Variants in CELF1 observed in about 807,000 individuals in gnomAD.
CELF1 encodes CUGBP Elav-like family member 1.
A neutral mutation model predicts 61.8 loss-of-function variants in CELF1; 10 were observed. That is an observed-to-expected ratio of 0.16 (90% CI 0.10 to 0.27). The LOEUF (loss-of-function observed/expected upper bound fraction) is 0.27, where lower values mean the gene tolerates loss of function less well. Among genes scored for constraint, CELF1 ranks in the 10% least tolerant of loss-of-function variants. The pLI, the probability that CELF1 is intolerant of heterozygous loss-of-function variation, is 1.00. For missense variants in CELF1, 380 were observed against 639.1 expected (o/e 0.59, Z 4.37); for synonymous variants, 236 against 225.1 (o/e 1.05, Z -0.43).
chr11:47,484,444 C>T lies in CELF1; in HGVS notation c.471G>A (p.Ser157=), dbSNP rs775903653. The T allele has an allele frequency of 4.7e-5, 76 of 1,613,804 alleles. No individual in the cohort carries two copies. The highest frequency in any genetic ancestry group is 1.8e-4 in the East Asian group (8 of 44,890). Residue 157 remains serine (S), a synonymous_variant, in exon 7 of 15, where the codon TCG becomes TCA. Coordinates refer to ENST00000687097, the MANE Select transcript of CELF1 (RefSeq NM_001376376.1). ...TCCGGCATTCTTCAATCTGTCCAAACGAAGAGAACATGACTCGGATGTCAT... is the reference window on the plus strand; with the variant it reads ...TCCGGCATTCTTCAATCTGTCCAAATGAAGAGAACATGACTCGGATGTCAT... The part of the protein sequence containing the change: ...TENDIRVMFS[S]FGQIEECRIL...
intron 1 of CELF1, among the ~76,000 whole-genome samples, chr11:47,546,263 CCGGGGGCGGGGGCGGGGGA>C (rs2096946001): frequency 4.0e-5 from 4 of 100,922 alleles, no homozygotes; most frequent in African/African-American, 1.6e-4. Context: ...TGGGCGGGGG[CCGGGGGCGGGGGCGGGGGA>C]GGGAATGGAG....
At chr11:47,545,414 G>C (rs1349831584) in intron 1 of CELF1, among the ~76,000 whole-genome samples, 1 of 152,204 alleles carries the variant, frequency 6.6e-6, no homozygotes, top group Non-Finnish European at 1.5e-5. Context: ...CTGGGCGACA[G>C]AGCGGGACTC....
chr11:47,535,911 T>A, intron 1 of CELF1, among the ~76,000 whole-genome samples: 1 of 151,394 alleles, frequency 6.6e-6, no homozygotes, highest in East Asian at 2.0e-4. Flanking sequence ...TACAGGCGTG[T>A]GCCACCGTGC....
At chr11:47,544,398 G>A (rs771912066) in intron 1 of CELF1, among the ~76,000 whole-genome samples, 1 of 152,190 alleles carries the variant, frequency 6.6e-6, no homozygotes, top group African/African-American at 2.4e-5. Flanking sequence ...ACTATTCTGA[G>A]TTGGTATCTC....
chr11:47,494,161 C>A (rs2092564897), intron 3 of CELF1, among the ~76,000 whole-genome samples: 1 of 152,222 alleles, frequency 6.6e-6, no homozygotes. Context: ...TGGGGCAGTA[C>A]TGCCAGCCCT....
intron 2 of CELF1, among the ~76,000 whole-genome samples, chr11:47,564,067 T>C (rs1017317826): frequency 6.7e-6 from 1 of 148,818 alleles, no homozygotes; most frequent in Non-Finnish European, 1.5e-5. Context: ...GGCTCATGCC[T>C]GTAATCCCAA....
At chr11:47,479,839 C>G (rs1373817130) in intron 9 of CELF1, among the ~76,000 whole-genome samples, 2 of 152,164 alleles carry the variant, frequency 1.3e-5, no homozygotes, top group Non-Finnish European at 2.9e-5. Flanking sequence ...CCTGGTTTCT[C>G]TGTCGCCGCA....
rs1314714050 is a variant in CELF1 at position 47,467,956 on chromosome 11, CAGAG to C, written c.*4270_*4273del. ...CAGTTTTTGCACAAACTATAGAAAA[CAGAG>C]AGGTGAAGGTGATATATACGAAGGT... On this transcript the variant is annotated 3_prime_UTR_variant, in exon 15 of 15. Coordinates refer to ENST00000687097, the MANE Select transcript of CELF1 (RefSeq NM_001376376.1). The C allele has an allele frequency of 2.6e-5, 4 of 152,016 alleles. No homozygotes were observed. The highest frequency in any genetic ancestry group is 5.9e-5 in the Non-Finnish European group (4 of 67,994). 9.4% of individuals were successfully genotyped at this position (152,016 alleles called of 1,614,324 possible).
In CELF1 at chr11:47,477,308, A is replaced by G; in HGVS notation, c.962T>C (p.Leu321Pro). ...LTTSSSPLSVLTSSAGSSPSS... is the reference protein window; with the variant it reads ...LTTSSSPLSVPTSSAGSSPSS... ...ATCCTCATGCTTACCTGAACTAGTG[A>G]GCACGCTGAGGGGACTGCTGGATGT... Residue 321 changes from leucine to proline, a missense_variant, in exon 11 of 15, where the codon CTC becomes CCC. By Grantham distance (98) the Leu-to-Pro change is moderately conservative (BLOSUM62 -3). Transcript: ENST00000687097. The G allele has an allele frequency of 6.2e-7, 1 of 1,614,058 alleles. No individual in the cohort carries two copies. The highest frequency in any genetic ancestry group is 8.5e-7 in the Non-Finnish European group (1 of 1,179,958).
chr11:47,472,970 C>A, intron 14 of CELF1, 118 bp downstream of exon 14: 1 of 1,156,240 alleles, frequency 8.6e-7, no homozygotes, highest in Non-Finnish European at 1.2e-6. Context: ...AATGACCTGC[C>A]CATGGCCAAG....
At chr11:47,497,895 T>C (rs1016330060) in intron 3 of CELF1, among the ~76,000 whole-genome samples, 6 of 152,196 alleles carry the variant, frequency 3.9e-5, no homozygotes, top group Non-Finnish European at 7.3e-5. Flanking sequence ...CAATGTTGGG[T>C]TGAACACCAG....
chr11:47,525,940 CAA>C (rs11292279), intron 1 of CELF1, among the ~76,000 whole-genome samples: 2,567 of 146,062 alleles, frequency 0.018, 52 homozygotes, highest in African/African-American at 0.05. Context: ...AAAAAACAAA[CAA>C]AAAAAAAAAA....
intron 13 of CELF1, 125 bp from the exon 14 acceptor site, chr11:47,473,356 G>A: frequency 2.3e-6 from 2 of 854,870 alleles, no homozygotes; most frequent in South Asian, 1.8e-5. Context: ...ATTCATCTGG[G>A]GAACTAAACA....
At chr11:47,500,966 A>T in intron 1 of CELF1, 34 bp from the exon 2 acceptor site, 2 of 398,480 alleles carry the variant, frequency 5.0e-6, no homozygotes, top group Non-Finnish European at 8.8e-6. Context: ...ACTACTAAAC[A>T]CACAGAGTTA....
At chr11:47,561,082 G>C (rs945411039) in intron 2 of CELF1, among the ~76,000 whole-genome samples, 2 of 146,462 alleles carry the variant, frequency 1.4e-5, no homozygotes, top group African/African-American at 5.1e-5. Flanking sequence ...AGCTTGTATT[G>C]AGTGGAGATC....
chr11:47,509,633 G>T (rs1420321372), intron 1 of CELF1, among the ~76,000 whole-genome samples: 1 of 152,170 alleles, frequency 6.6e-6, no homozygotes, highest in Non-Finnish European at 1.5e-5. Flanking sequence ...GTTCATGCCT[G>T]TAATCCCAGC....
chr11:47,493,036 T>C (rs2092184088), intron 3 of CELF1, among the ~76,000 whole-genome samples: 1 of 152,176 alleles, frequency 6.6e-6, no homozygotes, highest in Admixed American at 6.5e-5. Context: ...TGTTTAGTGC[T>C]AAAGCATAAA....
At chr11:47,490,425 GTT>G (rs373523637) in intron 3 of CELF1, among the ~76,000 whole-genome samples, 1,484 of 129,994 alleles carry the variant, frequency 0.011, 7 homozygotes, top group Non-Finnish European at 0.018. Context: ...CAACATGCTA[GTT>G]TTTTTTTTTT....
chr11:47,558,742 A>AT (rs2097216276), intron 2 of CELF1, among the ~76,000 whole-genome samples: 1 of 112,314 alleles, frequency 8.9e-6, no homozygotes, highest in African/African-American at 3.7e-5. Flanking sequence ...ATATAATTGT[A>AT]TATATAATAT....
Sources: allele counts gnomAD v4.1 joint callset (sites outside exome capture counted in the v4.1 genomes callset), GRCh38; gene constraint gnomAD v4.1.1; transcripts MANE v1.5; gene names NCBI Gene and HGNC (gene_info 2026-07-23, HGNC 2026-07-21).